ADAMTS2: variants seen among roughly 807,000 people sequenced by gnomAD.
ADAMTS2 encodes A disintegrin and metalloproteinase with thrombospondin motifs 2.
A neutral mutation model predicts 123.0 loss-of-function variants in ADAMTS2; 50 were observed. The observed-to-expected ratio is 0.41, with a 90% CI of 0.32 to 0.51. The LOEUF (loss-of-function observed/expected upper bound fraction) is 0.51, where lower values mean the gene tolerates loss of function less well. ADAMTS2 is among the 20% of genes least tolerant of loss of function. The probability of loss-of-function intolerance (pLI) is 0.35; values close to 1 mark genes in which losing one functional copy is unlikely to be tolerated. For missense variants in ADAMTS2, 1,494 were observed against 1,705.2 expected (o/e 0.88, Z 2.18); for synonymous variants, 678 against 695.4 (o/e 0.98, Z 0.39).
In ADAMTS2 at chr5:179,155,708, G is replaced by T. The variant is rs891724451; in HGVS notation, c.1133-789C>A. Among the ~76,000 whole-genome samples, 9 of 152,176 alleles carry T rather than the reference G, an allele frequency of 5.9e-5. No homozygotes were observed. Among genetic ancestry groups the T allele is most frequent in the African/African-American group, 2.2e-4 (9 of 41,436 alleles). On this transcript the variant is annotated intron_variant, in intron 6 of 21. Transcript: ENST00000251582. The surrounding 1 kb of genome is among the most constrained non-coding windows in gnomAD (Gnocchi z 5.1). ...GCTCCTGTCTCAGCAGAGGGAGGCGGCTTGGAAAGATAGGGAAGTGCCTAC... is the reference window on the plus strand; with the variant it reads ...GCTCCTGTCTCAGCAGAGGGAGGCGTCTTGGAAAGATAGGGAAGTGCCTAC...
intron 2 of ADAMTS2, among the ~76,000 whole-genome samples, chr5:179,338,959 C>T (rs1581293472): frequency 6.6e-6 from 1 of 152,140 alleles, no homozygotes; most frequent in East Asian, 1.9e-4. Context: ...AGCCACGTGA[C>T]TTGAGTATGG....
chr5:179,201,631 C>CACA (rs1764567474), intron 4 of ADAMTS2, among the ~76,000 whole-genome samples: 2 of 91,912 alleles, frequency 2.2e-5, no homozygotes, highest in Non-Finnish European at 4.0e-5. Context: ...ACTAAAAATA[C>CACA]AAAAAAAAAA....
rs188153033 is a variant in ADAMTS2 at position 179,135,410 on chromosome 5, T to C, written c.2085+499A>G. Among the ~76,000 whole-genome samples, 4 of 152,282 alleles carry C rather than the reference T, an allele frequency of 2.6e-5. No individual in the cohort carries two copies. In the East Asian group the frequency reaches 7.7e-4, roughly 29 times the overall value. ...TGGCGAGGTGACACGAGATTGTTTT[T>C]CCTGACAGCCAAAGATTGAAGCCAA... On this transcript the variant is annotated intron_variant, in intron 13 of 21. Coordinates refer to ENST00000251582, the MANE Select transcript of ADAMTS2 (RefSeq NM_014244.5).
rs967317305 is a variant in ADAMTS2 at position 179,317,811 on chromosome 5, G to A, written c.534+25956C>T. Among the ~76,000 whole-genome samples the A allele has an allele frequency of 1.3e-5, 2 of 152,200 alleles. No homozygotes were observed. The highest frequency in any genetic ancestry group is 4.8e-5 in the African/African-American group (2 of 41,458). Reference sequence around the variant, plus strand: ...CTCATCGCCAGCTGGGGAGAGTGGAGCAGACGTACAGGATGGAGGGTAGAG... The same window carrying A: ...CTCATCGCCAGCTGGGGAGAGTGGAACAGACGTACAGGATGGAGGGTAGAG... On this transcript the variant is annotated intron_variant, in intron 2 of 21. Coordinates refer to ENST00000251582, the MANE Select transcript of ADAMTS2 (RefSeq NM_014244.5). This position sits in a 1 kb window ranked among gnomAD's most constrained non-coding sequence, Gnocchi z 4.9.
rs1414052598 is a variant in ADAMTS2 at position 179,118,408 on chromosome 5, C to T, written c.3178+3253G>A. Among the ~76,000 whole-genome samples the T allele has an allele frequency of 1.3e-5, 2 of 152,092 alleles. No homozygotes were observed. Among genetic ancestry groups the T allele is most frequent in the Non-Finnish European group, 2.9e-5 (2 of 68,034 alleles). On this transcript the variant is annotated intron_variant, in intron 21 of 21. Coordinates refer to ENST00000251582, the MANE Select transcript of ADAMTS2 (RefSeq NM_014244.5). The surrounding 1 kb of genome is among the most constrained non-coding windows in gnomAD (Gnocchi z 4.5). Reference sequence around the variant, plus strand: ...ACAATATTTGGTCTTCGGCCATTTCCAGTAGCAATCAAGTAGTGAGACCTA... The same window carrying T: ...ACAATATTTGGTCTTCGGCCATTTCTAGTAGCAATCAAGTAGTGAGACCTA...
rs563668318 is a variant in ADAMTS2, at chr5:179,168,264, C to T, written c.976-9385G>A. 1.1e-4 allele frequency among the ~76,000 whole-genome samples: 17 copies of T among 152,254 alleles called. No individual in the cohort carries two copies. The East Asian group carries it at 3.3e-3, about 30-fold the overall frequency. On this transcript the variant is annotated intron_variant, in intron 5 of 21. Coordinates refer to ENST00000251582, the MANE Select transcript of ADAMTS2 (RefSeq NM_014244.5). ...CTCTCCAGACACTGCCAAATGTCCC[C>T]CGGGTGGGGGGAGGGGTGGCAAAGT...
intron 20 of ADAMTS2, 83 bp downstream of exon 20, chr5:179,122,561 G>C: frequency 6.6e-7 from 1 of 1,521,816 alleles, no homozygotes. Context: ...GGAAGAGCCA[G>C]ATTTGCCTGA....
chr5:179,338,757 T>C (rs561806587), intron 2 of ADAMTS2, among the ~76,000 whole-genome samples: 117 of 152,198 alleles, frequency 7.7e-4, no homozygotes, highest in African/African-American at 2.7e-3. Context: ...GCATGGTTTC[T>C]AAAAATCCCT....
At chr5:179,224,351 TC>T (rs1561814919) in intron 3 of ADAMTS2, among the ~76,000 whole-genome samples, 1 of 152,168 alleles carries the variant, frequency 6.6e-6, no homozygotes, top group African/African-American at 2.4e-5. Context: ...ACAGCAATTC[TC>T]ACTCGGGCCT....
chr5:179,245,607 A>T (rs529053512), intron 3 of ADAMTS2, among the ~76,000 whole-genome samples: 72 of 150,326 alleles, frequency 4.8e-4, no homozygotes, highest in African/African-American at 1.7e-3. Flanking sequence ...TCTACTAAAA[A>T]TACAAAAAAT....
chr5:179,139,993 G>A lies in ADAMTS2; in HGVS notation c.1672C>T (p.Leu558Phe). 2 of 1,614,168 alleles carry A rather than the reference G, an allele frequency of 1.2e-6. No individual in the cohort carries two copies. The highest frequency in any genetic ancestry group is 1.7e-6 in the Non-Finnish European group (2 of 1,180,038). ...GCGCCCCAGCTGCCGTCCCGTTTGA[G>A]GATGTCAGGTGTCAGCCAGATGCAG... Reference protein sequence around the residue: ...GHCIWLTPDILKRDGSWGAWS... With the variant: ...GHCIWLTPDIFKRDGSWGAWS... The change falls in exon 11 of 22, where the codon CTC becomes TTC. Residue 558 changes from leucine to phenylalanine, a missense_variant. Around this residue, in one of 6 missense-constraint regions of ADAMTS2, gnomAD observed 953 missense variants for 1,124.7 expected, o/e 0.85. Coordinates refer to ENST00000251582, the MANE Select transcript of ADAMTS2 (RefSeq NM_014244.5).
At chr5:179,270,874 G>A (rs1407403410) in intron 3 of ADAMTS2, among the ~76,000 whole-genome samples, 2 of 152,314 alleles carry the variant, frequency 1.3e-5, no homozygotes, top group Non-Finnish European at 2.9e-5. Flanking sequence ...AGGGGACTTG[G>A]CCCCAGCCCC....
intron 5 of ADAMTS2, among the ~76,000 whole-genome samples, chr5:179,174,962 G>A (rs1359972240): frequency 6.6e-6 from 1 of 151,102 alleles, no homozygotes; most frequent in Non-Finnish European, 1.5e-5. Flanking sequence ...GGGCTCCGCA[G>A]CTGTCTCAGC....
chr5:179,172,788 T>G (rs901738319), intron 5 of ADAMTS2, among the ~76,000 whole-genome samples: 1 of 152,220 alleles, frequency 6.6e-6, no homozygotes, highest in Non-Finnish European at 1.5e-5. Flanking sequence ...GAGACCTTTC[T>G]CCAGAGTGCT....
chr5:179,317,606 G>A lies in ADAMTS2; in HGVS notation c.534+26161C>T, dbSNP rs1757038122. ...TGGCCAGCAGCACTGCAGTGTTGGT[G>A]TAATCTATGTCCCCCGGATGGCCAG... On this transcript the variant is annotated intron_variant, in intron 2 of 21. Transcript: ENST00000251582. This position sits in a 1 kb window ranked among gnomAD's most constrained non-coding sequence, Gnocchi z 4.9. 6.6e-6 allele frequency among the ~76,000 whole-genome samples: 1 copy of A among 152,186 alleles called. No homozygotes were observed. The highest frequency in any genetic ancestry group is 1.5e-5 in the Non-Finnish European group (1 of 68,036).
rs573987916 is a variant in ADAMTS2 at position 179,262,481 on chromosome 5, A to G, written c.688+10430T>C. Reference sequence around the variant, plus strand: ...CCCCGTACCGTGACCGTCCCTTCAAAGCGATGAGTGCCACCCATCCCTCCC... The same window carrying G: ...CCCCGTACCGTGACCGTCCCTTCAAGGCGATGAGTGCCACCCATCCCTCCC... On this transcript the variant is annotated intron_variant, in intron 3 of 21. Transcript: ENST00000251582. The surrounding 1 kb of genome is among the most constrained non-coding windows in gnomAD (Gnocchi z 5.9). Among the ~76,000 whole-genome samples, 1 of 151,356 alleles carries G rather than the reference A, an allele frequency of 6.6e-6. No homozygotes were observed. Among genetic ancestry groups the G allele is most frequent in the Non-Finnish European group, 1.5e-5 (1 of 67,890 alleles).
chr5:179,263,717 C>T (rs946621846), intron 3 of ADAMTS2, among the ~76,000 whole-genome samples: 1 of 152,210 alleles, frequency 6.6e-6, no homozygotes, highest in Non-Finnish European at 1.5e-5. Context: ...TTGTCCCAAA[C>T]GTGTGTGTGC....
At chr5:179,341,847 C>T (rs76612311) in intron 2 of ADAMTS2, among the ~76,000 whole-genome samples, 2 of 152,240 alleles carry the variant, frequency 1.3e-5, no homozygotes, top group African/African-American at 2.4e-5. Context: ...CTTCCCAGCT[C>T]TGTCTGGTAC....
chr5:179,129,725 G>T lies in ADAMTS2; in HGVS notation c.2457+207C>A, dbSNP rs975245579. Reference sequence around the variant, plus strand: ...AGAGTGTGCCCAAGGTCACCTAGGGGTCATGTGGGGTCCAGAGCCCCGGCT... The same window carrying T: ...AGAGTGTGCCCAAGGTCACCTAGGGTTCATGTGGGGTCCAGAGCCCCGGCT... On this transcript the variant is annotated intron_variant, in intron 16 of 21. Coordinates refer to ENST00000251582, the MANE Select transcript of ADAMTS2 (RefSeq NM_014244.5). The surrounding 1 kb of genome is among the most constrained non-coding windows in gnomAD (Gnocchi z 4.1). Among the ~76,000 whole-genome samples, 5 of 152,186 alleles carry T rather than the reference G, an allele frequency of 3.3e-5. No individual in the cohort carries two copies. Among genetic ancestry groups the T allele is most frequent in the East Asian group, 1.9e-4 (1 of 5,176 alleles).
Sources: allele counts gnomAD v4.1 joint callset (sites outside exome capture counted in the v4.1 genomes callset), GRCh38; gene constraint gnomAD v4.1.1; regional missense constraint gnomAD v4.1.1; non-coding constraint Gnocchi (gnomAD v3.1); transcripts MANE v1.5; gene names NCBI Gene and HGNC (gene_info 2026-07-23, HGNC 2026-07-21).